Variants in MINAR1 observed in about 807,000 individuals in gnomAD.
MINAR1 encodes the protein major intrinsically disordered Notch2-binding receptor 1.
MINAR1 carries 40 observed loss-of-function variants against 65.1 expected under a neutral mutation model. That is an observed-to-expected ratio of 0.61 (90% CI 0.48 to 0.80). The LOEUF (loss-of-function observed/expected upper bound fraction) is 0.80. Among genes scored for constraint, MINAR1 ranks in the 30% least tolerant of loss-of-function variants. The pLI, the probability that MINAR1 is intolerant of heterozygous loss-of-function variation, is 0.00. For synonymous variants in MINAR1, 482 were observed against 449.1 expected, an observed-to-expected ratio of 1.07 and a Z score of -0.93; for missense variants, 1,128 against 1,148.0, an observed-to-expected ratio of 0.98 and a Z score of 0.25.
At chr15:79,463,915 A>T (rs891784329) in intron 3 of MINAR1, among the ~76,000 whole-genome samples, 2 of 152,136 alleles carry the variant, frequency 1.3e-5, no homozygotes, top group African/African-American at 4.8e-5. Context: ...GTGTCTCCAG[A>T]TCACCACAGG....
chr15:79,450,458 T>C (rs1447472589), intron 1 of MINAR1, among the ~76,000 whole-genome samples: 2 of 151,958 alleles, frequency 1.3e-5, no homozygotes, highest in African/African-American at 4.8e-5. Flanking sequence ...AGCACCCCCA[T>C]TAATTCTGAG....
At chr15:79,467,461 T>C (rs960685106) in intron 3 of MINAR1, among the ~76,000 whole-genome samples, 2 of 152,232 alleles carry the variant, frequency 1.3e-5, no homozygotes, top group Non-Finnish European at 2.9e-5. Flanking sequence ...AAATACAAGT[T>C]AAATATGGTA....
At chr15:79,419,045 T>C in the MINAR1 span, 4 of 152,326 alleles carry the variant, frequency 2.6e-5, no homozygotes, top group South Asian at 4.1e-4. Context: ...AGTTTAATTC[T>C]AAAGGAACAC....
At chr15:79,456,055 T>A in intron 1 of MINAR1, 43 bp from the exon 2 acceptor site, 3 of 1,301,682 alleles carry the variant, frequency 2.3e-6, no homozygotes, top group Non-Finnish European at 3.2e-6. Context: ...CTGGTGTTTA[T>A]AATCCTCTTT....
rs149813726 is a variant in MINAR1 at position 79,460,648 on chromosome 15, C to T, written c.2298+2203C>T. Among the ~76,000 whole-genome samples, 20 of 152,288 alleles carry T rather than the reference C, an allele frequency of 1.3e-4. No individual in the cohort carries two copies. The East Asian group carries it at 3.3e-3, about 25-fold the overall frequency. Reference sequence around the variant, plus strand: ...TCATCTCATGGGCCACTGCTGCATTCGCTTTCCTAAAATGCCACTCTCTGT... The same window carrying T: ...TCATCTCATGGGCCACTGCTGCATTTGCTTTCCTAAAATGCCACTCTCTGT... On this transcript the variant is annotated intron_variant, in intron 2 of 3. Coordinates refer to ENST00000305428, the MANE Select transcript of MINAR1 (RefSeq NM_015206.3).
At chr15:79,458,662 G>A (rs1362807396) in intron 2 of MINAR1, among the ~76,000 whole-genome samples, 1 of 152,214 alleles carries the variant, frequency 6.6e-6, no homozygotes, top group African/African-American at 2.4e-5. Context: ...AGGAGCACAT[G>A]CTGCGATATT....
chr15:79,435,365 C>A (rs538551101), intron 1 of MINAR1, among the ~76,000 whole-genome samples: 2 of 152,104 alleles, frequency 1.3e-5, no homozygotes, highest in Non-Finnish European at 2.9e-5. Context: ...CTGAAGAACC[C>A]TTTGGAACCC....
At chr15:79,450,959 T>G (rs1435576108) in intron 1 of MINAR1, among the ~76,000 whole-genome samples, 1 of 152,182 alleles carries the variant, frequency 6.6e-6, no homozygotes, top group Non-Finnish European at 1.5e-5. Flanking sequence ...GCTTGTTAAT[T>G]AAACCCATTG....
the MINAR1 span, chr15:79,413,266 G>T: frequency 6.6e-6 from 1 of 152,194 alleles, no homozygotes. Context: ...TTCAGAGAAG[G>T]ACTGTAGCTG....
the MINAR1 span, chr15:79,411,692 C>A: frequency 1.8e-6 from 1 of 546,654 alleles, no homozygotes; most frequent in Non-Finnish European, 3.3e-6. Flanking sequence ...CCTCTGGAAT[C>A]CCGGCAGGAG....
In MINAR1 at chr15:79,457,364, C is replaced by T; in HGVS notation, c.1217C>T (p.Pro406Leu). Residue 406 changes from proline (P) to leucine (L), a missense_variant, in exon 2 of 4, where the codon CCA becomes CTA. By Grantham distance (98) the Pro-to-Leu change is moderately conservative (BLOSUM62 -3). Coordinates refer to ENST00000305428, the MANE Select transcript of MINAR1 (RefSeq NM_015206.3). ...PNASSQTPNF[P>L]APERRPTYLV... ...GCCAGTAGCCAGACCCCCAATTTCC[C>T]AGCCCCAGAAAGGCGCCCAACTTAC... 1 of 1,614,202 alleles carries T rather than the reference C, an allele frequency of 6.2e-7. No homozygotes were observed.
intron 2 of MINAR1, among the ~76,000 whole-genome samples, chr15:79,458,728 T>A (rs2141298093): frequency 6.6e-6 from 1 of 152,282 alleles, no homozygotes; most frequent in Non-Finnish European, 1.5e-5. Flanking sequence ...GAGAACAGAT[T>A]TTCATAGAAT....
In MINAR1 at chr15:79,456,256, C is replaced by T. The variant is rs371906868; in HGVS notation, c.109C>T (p.Arg37Trp). Reference sequence around the variant, plus strand: ...GGACCTGTGCAAATCTCTCTGTGCCCGGTTCGACCTGTCGCAGCTTGCCAA... The same window carrying T: ...GGACCTGTGCAAATCTCTCTGTGCCTGGTTCGACCTGTCGCAGCTTGCCAA... ...YQDLCKSLCARFDLSQLAKLR... is the reference protein window; with the variant it reads ...YQDLCKSLCAWFDLSQLAKLR... Residue 37 changes from arginine to tryptophan, a missense_variant, in exon 2 of 4, where the codon CGG (arginine) becomes TGG (tryptophan). Coordinates refer to ENST00000305428, the MANE Select transcript of MINAR1 (RefSeq NM_015206.3). 6.0e-5 allele frequency: 97 copies of T among 1,613,974 alleles called. No homozygotes were observed. The highest frequency in any genetic ancestry group is 1.7e-4 in the African/African-American group (13 of 74,876).
At chr15:79,424,423 C>T in the MINAR1 span, 1 of 152,212 alleles carries the variant, frequency 6.6e-6, no homozygotes, top group African/African-American at 2.4e-5. Flanking sequence ...AATGTTAGAA[C>T]AGCATTAGAG....
intron 1 of MINAR1, among the ~76,000 whole-genome samples, chr15:79,442,050 C>CT (rs57139012): frequency 0.23 from 32,080 of 139,612 alleles, 3,525 homozygotes; most frequent in South Asian, 0.34. Context: ...GGTTTTTTTA[C>CT]TTTTTTTTTT....
chr15:79,459,191 TAAGAA>T (rs1895551690), intron 2 of MINAR1, among the ~76,000 whole-genome samples: 1 of 152,068 alleles, frequency 6.6e-6, no homozygotes, highest in African/African-American at 2.4e-5. Context: ...AAAAAAAAGA[TAAGAA>T]AGTCATTCAT....
At chr15:79,411,517 G>T in the MINAR1 span, 3 of 701,788 alleles carry the variant, frequency 4.3e-6, no homozygotes, top group South Asian at 4.4e-5. Context: ...GATTTTCAGC[G>T]GGGAGGCACT....
At chr15:79,441,113 T>G (rs1894856329) in intron 1 of MINAR1, among the ~76,000 whole-genome samples, 1 of 152,222 alleles carries the variant, frequency 6.6e-6, no homozygotes, top group African/African-American at 2.4e-5. Context: ...TTAGAGATGA[T>G]AATTTACTTT....
chr15:79,412,656 C>T, the MINAR1 span: 1 of 152,560 alleles, frequency 6.6e-6, no homozygotes. Context: ...CTGCCAATGC[C>T]CACATGGAGG....
Sources: allele counts gnomAD v4.1 joint callset (sites outside exome capture counted in the v4.1 genomes callset), GRCh38; gene constraint gnomAD v4.1.1; transcripts MANE v1.5; gene names NCBI Gene and HGNC (gene_info 2026-07-23, HGNC 2026-07-21).